INTS9: variants seen among roughly 807,000 people sequenced by gnomAD.
INTS9 encodes integrator complex subunit 9.
A neutral mutation model predicts 79.7 loss-of-function variants in INTS9; 55 were observed. That is an observed-to-expected ratio of 0.69 (90% CI 0.56 to 0.86). INTS9 has a LOEUF of 0.86. Among genes scored for constraint, INTS9 ranks in the 40% least tolerant of loss-of-function variants. The probability of loss-of-function intolerance (pLI) is 0.00; values close to 1 mark genes in which losing one functional copy is unlikely to be tolerated. For missense variants in INTS9, 721 were observed against 831.5 expected, an observed-to-expected ratio of 0.87 and a Z score of 1.64; for synonymous variants, 319 against 325.2, an observed-to-expected ratio of 0.98 and a Z score of 0.20.
intron 2 of INTS9, among the ~76,000 whole-genome samples, chr8:28,856,017 C>A (rs1203869152): frequency 6.6e-6 from 1 of 152,186 alleles, no homozygotes; most frequent in East Asian, 1.9e-4. Flanking sequence ...ACTATTTTTG[C>A]AGCTTTTCTG....
chr8:28,837,653 T>C lies in INTS9; in HGVS notation c.385A>G (p.Thr129Ala), dbSNP rs761376056. The C allele has an allele frequency of 6.2e-6, 10 of 1,613,044 alleles. No individual in the cohort carries two copies. The highest frequency in any genetic ancestry group is 1.7e-5 in the Admixed American group (1 of 59,986). Reference sequence around the variant, plus strand: ...CCCTCTCACCTGCCGATCTGGACGGTGGGTTCCGTGGCATACACTGTGCCT... The same window carrying C: ...CCCTCTCACCTGCCGATCTGGACGGCGGGTTCCGTGGCATACACTGTGCCT... ...FTGTVYATEP[T>A]VQIGRLLMEE... The change falls in exon 5 of 17, where the codon ACC (threonine) becomes GCC (alanine). Residue 129 changes from threonine to alanine, a missense_variant. This residue lies in a region of INTS9 where 291 missense variants were observed against 307.0 expected (regional missense o/e 0.95). Coordinates refer to ENST00000521022, the MANE Select transcript of INTS9 (RefSeq NM_018250.4).
intron 4 of INTS9, 39 bp from the exon 5 acceptor site, chr8:28,837,815 G>A (rs373109726): frequency 4.3e-5 from 67 of 1,567,738 alleles, no homozygotes; most frequent in Non-Finnish European, 5.2e-5. Context: ...ATCTGTTCAG[G>A]GATCGATCAA....
At chr8:28,888,713 TCCC>T (rs1357459937) in intron 1 of INTS9, among the ~76,000 whole-genome samples, 2 of 152,166 alleles carry the variant, frequency 1.3e-5, no homozygotes, top group African/African-American at 4.8e-5. Flanking sequence ...CCCGCATCCT[TCCC>T]CTTATATAAA....
intron 6 of INTS9, among the ~76,000 whole-genome samples, chr8:28,821,419 G>C (rs1233688044): frequency 6.6e-6 from 1 of 152,168 alleles, no homozygotes; most frequent in Non-Finnish European, 1.5e-5. Flanking sequence ...GGAAAAACTG[G>C]TCCCCATGAT....
intron 3 of INTS9, among the ~76,000 whole-genome samples, chr8:28,847,128 T>C (rs1807564001): frequency 6.6e-6 from 1 of 152,204 alleles, no homozygotes; most frequent in South Asian, 2.1e-4. Flanking sequence ...GTATGCAAAC[T>C]GTACTAGCAA....
chr8:28,814,284 TCACACACACACACACACACACACACA>T (rs60850682), intron 6 of INTS9, among the ~76,000 whole-genome samples: 15 of 134,340 alleles, frequency 1.1e-4, no homozygotes, highest in African/African-American at 4.0e-4. Context: ...ACAGGGCTTC[TCACACACACACACACACACACACACA>T]CACACACACA....
intron 1 of INTS9, among the ~76,000 whole-genome samples, chr8:28,881,926 G>C (rs1227282067): frequency 1.4e-5 from 2 of 147,168 alleles, no homozygotes; most frequent in Non-Finnish European, 3.0e-5. Context: ...GAGCCCCTCT[G>C]CCCGGCCACG....
At chr8:28,882,323 G>GCCTT (rs1809903114) in intron 1 of INTS9, among the ~76,000 whole-genome samples, 1 of 114,676 alleles carries the variant, frequency 8.7e-6, no homozygotes, top group Admixed American at 9.5e-5. Flanking sequence ...ACTGCGGAAG[G>GCCTT]CCGAAGGCCG....
At chr8:28,837,557 G>A (rs1283151754) in intron 5 of INTS9, 80 bp downstream of exon 5, 6 of 1,478,896 alleles carry the variant, frequency 4.1e-6, no homozygotes, top group South Asian at 1.3e-5. Context: ...ACCAGCCCTG[G>A]TATAATACTG....
At chr8:28,818,721 G>T (rs2131085818) in intron 6 of INTS9, among the ~76,000 whole-genome samples, 1 of 151,990 alleles carries the variant, frequency 6.6e-6, no homozygotes, top group Non-Finnish European at 1.5e-5. Flanking sequence ...AGTTTCAGAA[G>T]GAATGGTACC....
chr8:28,814,010 C>T (rs182548824), intron 6 of INTS9, among the ~76,000 whole-genome samples: 29 of 151,412 alleles, frequency 1.9e-4, no homozygotes, highest in African/African-American at 4.4e-4. Flanking sequence ...AGGCCCAACT[C>T]GGCCTCCCAA....
At position 28,787,810 on chromosome 8, in the gene INTS9, A is replaced by G. The variant is rs1193634801; in HGVS notation, c.1098+19T>C. ...CCACATTGCTTCCTTCCCATGTCCC[A>G]GTGATTTTGTTTTCTTACCTCTGCA... is the stretch of plus-strand genomic sequence containing the variant. On this transcript the variant is annotated intron_variant, in intron 11 of 16. Transcript: ENST00000521022. 1 of 1,580,760 alleles carries G rather than the reference A, an allele frequency of 6.3e-7. No individual in the cohort carries two copies. Among genetic ancestry groups the G allele is most frequent in the South Asian group, 1.1e-5 (1 of 89,746 alleles).
Position 28,780,468 on chromosome 8 carries a change from G to A in INTS9, c.1270+355C>T, listed in dbSNP as rs1193015764. 3.0e-6 allele frequency: 3 copies of A among 985,150 alleles called. No homozygotes were observed. In the African/African-American group the frequency reaches 5.2e-5, roughly 17 times the overall value. The allele number at this position is 985,150 out of a possible 1,614,324, so 61.0% of individuals were successfully genotyped here. Reference sequence around the variant, plus strand: ...CCACAGTTAGAGTAAACCACAATCAGAAGAAAAAGATCTACCTCTGTAAAC... The same window carrying A: ...CCACAGTTAGAGTAAACCACAATCAAAAGAAAAAGATCTACCTCTGTAAAC... On this transcript the variant is annotated intron_variant, in intron 12 of 16. Transcript: ENST00000521022.
chr8:28,847,989 C>T (rs905550106), intron 3 of INTS9, among the ~76,000 whole-genome samples: 4 of 152,186 alleles, frequency 2.6e-5, no homozygotes, highest in South Asian at 4.1e-4. Flanking sequence ...ATACAGATAC[C>T]GGCAGCTGGA....
At chr8:28,874,444 C>CA (rs2131349327) in intron 1 of INTS9, among the ~76,000 whole-genome samples, 1 of 152,106 alleles carries the variant, frequency 6.6e-6, no homozygotes, top group South Asian at 2.1e-4. Flanking sequence ...CACCTGCCAC[C>CA]ATGCCCGGCT....
At chr8:28,786,688 A>G (rs1803610777) in intron 11 of INTS9, among the ~76,000 whole-genome samples, 1 of 152,172 alleles carries the variant, frequency 6.6e-6, no homozygotes, top group Non-Finnish European at 1.5e-5. Context: ...CATAGAGTAC[A>G]TTGTTCAGCT....
chr8:28,874,637 A>G (rs1334672208), intron 1 of INTS9, among the ~76,000 whole-genome samples: 1 of 152,108 alleles, frequency 6.6e-6, no homozygotes, highest in Non-Finnish European at 1.5e-5. Flanking sequence ...TGGAAAACAG[A>G]GAACCCCCAT....
At chr8:28,786,729 T>C (rs140685600) in intron 11 of INTS9, among the ~76,000 whole-genome samples, 1 of 150,776 alleles carries the variant, frequency 6.6e-6, no homozygotes, top group African/African-American at 2.4e-5. Flanking sequence ...TCTTTTTTTC[T>C]TTTTTTGAGA....
intron 2 of INTS9, among the ~76,000 whole-genome samples, chr8:28,852,515 A>G (rs773543252): frequency 2.0e-5 from 3 of 152,242 alleles, no homozygotes; most frequent in Non-Finnish European, 4.4e-5. Context: ...TAAAAGTGTA[A>G]TGACAAGACA....
Sources: gnomAD v4.1 joint callset for allele counts (sites outside exome capture counted in the v4.1 genomes callset) on GRCh38, gnomAD v4.1.1 for gene constraint, gnomAD v4.1.1 regional missense constraint, MANE v1.5 for transcripts, NCBI Gene and HGNC (gene_info 2026-07-23, HGNC 2026-07-21) for gene names.